ELK3: variants seen among roughly 807,000 people sequenced by gnomAD.
ELK3 encodes the protein ETS domain-containing protein Elk-3.
A neutral mutation model predicts 28.9 loss-of-function variants in ELK3; 10 were observed. The observed-to-expected ratio is 0.35, with a 90% CI of 0.21 to 0.59. ELK3 has a LOEUF of 0.59. Ranked by LOEUF, ELK3 falls within the 20% of genes least tolerant of loss-of-function variation. The pLI, the probability that ELK3 is intolerant of heterozygous loss-of-function variation, is 0.82. For missense variants in ELK3, 463 were observed against 517.3 expected (o/e 0.90, Z 1.02); for synonymous variants, 272 against 243.5 (o/e 1.12, Z -1.09).
intron 2 of ELK3, among the ~76,000 whole-genome samples, chr12:96,226,251 C>T (rs1055875481): frequency 2.6e-5 from 4 of 152,234 alleles, no homozygotes; most frequent in Admixed American, 6.5e-5. Flanking sequence ...TGCCTGCCTG[C>T]ACTGCCCCTT....
chr12:96,264,600 T>C (rs1193931345), intron 4 of ELK3, among the ~76,000 whole-genome samples: 3 of 151,902 alleles, frequency 2.0e-5, no homozygotes, highest in East Asian at 3.9e-4. Context: ...AGGGGCAACA[T>C]AGCAAGACCC....
chr12:96,223,629 G>C lies in ELK3; in HGVS notation c.63G>C (p.Glu21Asp). 2 of 1,614,150 alleles carry C rather than the reference G, an allele frequency of 1.2e-6. No individual in the cohort carries two copies. Among genetic ancestry groups the C allele is most frequent in the Non-Finnish European group, 1.7e-6 (2 of 1,180,034 alleles). Reference protein sequence around the residue: ...LLQLLLDQKHEHLICWTSNDG... With the variant: ...LLQLLLDQKHDHLICWTSNDG... ...AGTTGCTGCTGGATCAGAAACATGA[G>C]CATTTGATCTGCTGGACCTCGAACG... Residue 21 changes from glutamate (E) to aspartate (D), a missense_variant, in exon 2 of 5, where the codon GAG (glutamate) becomes GAC (aspartate). Physicochemically the swap from Glu to Asp is conservative, Grantham distance 45. Coordinates refer to ENST00000228741, the MANE Select transcript of ELK3 (RefSeq NM_005230.4).
In ELK3 at chr12:96,268,563, C is replaced by A. The variant is rs993178451; in HGVS notation, c.*1383C>A. 6.6e-6 allele frequency: 1 copy of A among 152,096 alleles called. No homozygotes were observed. The highest frequency in any genetic ancestry group is 6.6e-5 in the Admixed American group (1 of 15,264). The allele number at this position is 152,096 out of a possible 1,614,324, so 9.4% of individuals were successfully genotyped here. The stretch of plus-strand genomic sequence containing the variant: ...TACATGAAGAAGGAAAGTTCTAATA[C>A]AAGAAAACTGAAAAGCACCAAGCTT... On this transcript the variant is annotated 3_prime_UTR_variant, in exon 5 of 5. Transcript: ENST00000228741.
At chr12:96,199,923 A>G (rs1380862812) in intron 1 of ELK3, among the ~76,000 whole-genome samples, 1 of 152,148 alleles carries the variant, frequency 6.6e-6, no homozygotes, top group African/African-American at 2.4e-5. Context: ...CACACACTCT[A>G]AAACAAGGAT....
chr12:96,263,653 C>A (rs76479425), intron 4 of ELK3, among the ~76,000 whole-genome samples: 7,891 of 152,260 alleles, frequency 0.052, 268 homozygotes, highest in Non-Finnish European at 0.064. Context: ...TTCCAGCTGG[C>A]CACTGGACAG....
At chr12:96,263,128 T>C (rs751678388) in intron 4 of ELK3, among the ~76,000 whole-genome samples, 1 of 152,214 alleles carries the variant, frequency 6.6e-6, no homozygotes, top group Non-Finnish European at 1.5e-5. Context: ...CTTGGGGTAA[T>C]AGTTGAACAG....
At chr12:96,206,917 T>G (rs1365167298) in intron 1 of ELK3, among the ~76,000 whole-genome samples, 1 of 152,246 alleles carries the variant, frequency 6.6e-6, no homozygotes, top group South Asian at 2.1e-4. Flanking sequence ...TGCCCCTCGA[T>G]GACAGTTTTA....
chr12:96,252,605 G>C (rs972381883), intron 3 of ELK3, among the ~76,000 whole-genome samples: 7 of 152,168 alleles, frequency 4.6e-5, no homozygotes, highest in African/African-American at 1.7e-4. Context: ...GACTTCATTG[G>C]AGGAGGGAAC....
At chr12:96,256,663 A>G (rs531621069) in intron 3 of ELK3, among the ~76,000 whole-genome samples, 12 of 152,382 alleles carry the variant, frequency 7.9e-5, no homozygotes, top group South Asian at 6.2e-4. Flanking sequence ...AAATGTGCCA[A>G]TCACCATAAT....
chr12:96,228,416 CAAA>C (rs71091236), intron 2 of ELK3, among the ~76,000 whole-genome samples: 3,578 of 67,796 alleles, frequency 0.053, 31 homozygotes, highest in Middle Eastern at 0.086. Flanking sequence ...GACTCTGTGT[CAAA>C]AAAAAAAAAA....
At chr12:96,210,709 A>G (rs1245204802) in intron 1 of ELK3, among the ~76,000 whole-genome samples, 2 of 152,194 alleles carry the variant, frequency 1.3e-5, no homozygotes, top group African/African-American at 4.8e-5. Flanking sequence ...CCTTGAACCT[A>G]TTTAAACCAC....
At chr12:96,226,814 G>T (rs955345727) in intron 2 of ELK3, among the ~76,000 whole-genome samples, 1 of 152,010 alleles carries the variant, frequency 6.6e-6, no homozygotes. Context: ...AAGAAGGAGA[G>T]GGGGAGGAAG....
chr12:96,263,476 G>C (rs986062633), intron 4 of ELK3, among the ~76,000 whole-genome samples: 1 of 152,226 alleles, frequency 6.6e-6, no homozygotes, highest in East Asian at 1.9e-4. Context: ...ACAAGGTAGA[G>C]CTAATTAAGT....
At chr12:96,263,471 G>GT (rs1476351897) in intron 4 of ELK3, among the ~76,000 whole-genome samples, 5 of 152,224 alleles carry the variant, frequency 3.3e-5, no homozygotes, top group South Asian at 4.1e-4. Flanking sequence ...TTGAAACAAG[G>GT]TAGAGCTAAT....
intron 1 of ELK3, among the ~76,000 whole-genome samples, chr12:96,222,449 T>C (rs571597539): frequency 1.3e-5 from 2 of 152,304 alleles, no homozygotes; most frequent in African/African-American, 4.8e-5. Flanking sequence ...TTCCCATCTG[T>C]GCATCTGTGA....
intron 2 of ELK3, among the ~76,000 whole-genome samples, chr12:96,236,667 C>G (rs1951786313): frequency 6.6e-6 from 1 of 152,208 alleles, no homozygotes; most frequent in African/African-American, 2.4e-5. Flanking sequence ...GTGCCTGTAC[C>G]ATCGCAGTGG....
chr12:96,245,030 C>T (rs752999244), intron 2 of ELK3, among the ~76,000 whole-genome samples: 1 of 152,068 alleles, frequency 6.6e-6, no homozygotes, highest in African/African-American at 2.4e-5. Context: ...GCAAGGTGGC[C>T]GCGGCCACTG....
Position 96,267,235 on chromosome 12 carries a change from C to A in ELK3, c.*55C>A. On this transcript the variant is annotated 3_prime_UTR_variant, in exon 5 of 5. Coordinates refer to ENST00000228741, the MANE Select transcript of ELK3 (RefSeq NM_005230.4). ...AACTGATGAAACAAATTTGTCCCCA[C>A]GGGCTAGTTTACCTGTGTCGTGAGA... 1 of 1,502,438 alleles carries A rather than the reference C, an allele frequency of 6.7e-7. No individual in the cohort carries two copies. Among genetic ancestry groups the A allele is most frequent in the Non-Finnish European group, 9.1e-7 (1 of 1,098,718 alleles). 93.1% of individuals were successfully genotyped at this position (1,502,438 alleles called of 1,614,324 possible).
At chr12:96,240,607 C>T (rs533949264) in intron 2 of ELK3, among the ~76,000 whole-genome samples, 40 of 152,310 alleles carry the variant, frequency 2.6e-4, no homozygotes, top group African/African-American at 9.6e-4. Context: ...GTCCCCCTTA[C>T]CCAGTGCAGG....
Sources: allele counts gnomAD v4.1 joint callset (sites outside exome capture counted in the v4.1 genomes callset), GRCh38; gene constraint gnomAD v4.1.1; transcripts MANE v1.5; gene names NCBI Gene and HGNC (gene_info 2026-07-23, HGNC 2026-07-21).